NLRC5: variants seen among roughly 807,000 people sequenced by gnomAD.
The protein encoded by NLRC5 is protein NLRC5.
In NLRC5, 114 loss-of-function variants were observed where a neutral mutation model predicts 206.9. The ratio of observed to expected loss-of-function variants is 0.55; its 90% confidence interval spans 0.47 to 0.64. The LOEUF (loss-of-function observed/expected upper bound fraction) is 0.64. Ranked by LOEUF, NLRC5 falls within the 30% of genes least tolerant of loss-of-function variation. The probability of loss-of-function intolerance (pLI) is 0.00; values close to 1 mark genes in which losing one functional copy is unlikely to be tolerated. For missense variants in NLRC5, 2,008 were observed against 2,305.5 expected, an observed-to-expected ratio of 0.87 and a Z score of 2.64; for synonymous variants, 952 against 962.8, an observed-to-expected ratio of 0.99 and a Z score of 0.21.
chr16:57,037,357 T>G, intron 15 of NLRC5, 73 bp downstream of exon 15: 1 of 1,393,762 alleles, frequency 7.2e-7, no homozygotes, highest in Non-Finnish European at 1.0e-6. Flanking sequence ...TGGAATTCCT[T>G]CTGGGCCCAG....
chr16:57,051,707 A>ACC, intron 24 of NLRC5, 86 bp downstream of exon 24: 1 of 992,738 alleles, frequency 1.0e-6, no homozygotes, highest in Non-Finnish European at 1.6e-6. Context: ...CTGCCCTCTA[A>ACC]CCCCTCAACC....
At chr16:57,021,544 A>C (rs1274878034) in intron 3 of NLRC5, among the ~76,000 whole-genome samples, 1 of 152,004 alleles carries the variant, frequency 6.6e-6, no homozygotes, top group African/African-American at 2.4e-5. Context: ...CTAATTTTTC[A>C]TTCTTTTGTA....
chr16:57,075,572 A>G (rs1325955058), intron 39 of NLRC5, among the ~76,000 whole-genome samples: 1 of 152,186 alleles, frequency 6.6e-6, no homozygotes, highest in Non-Finnish European at 1.5e-5. Flanking sequence ...TCTGGGGGCC[A>G]CGGTCAGCAC....
chr16:57,053,772 G>A (rs539613641), intron 24 of NLRC5, among the ~76,000 whole-genome samples: 8 of 152,152 alleles, frequency 5.3e-5, no homozygotes, highest in African/African-American at 1.7e-4. Context: ...CAAGTGATCC[G>A]CCCGCCTCGG....
chr16:56,996,802 C>G (rs2057670727), intron 1 of NLRC5, among the ~76,000 whole-genome samples: 1 of 152,108 alleles, frequency 6.6e-6, no homozygotes, highest in South Asian at 2.1e-4. Context: ...AAAAGACGAC[C>G]ATTTGTTGAA....
intron 2 of NLRC5, 61 bp from the exon 3 acceptor site, chr16:57,020,640 A>T: frequency 1.2e-6 from 1 of 811,068 alleles, no homozygotes; most frequent in Non-Finnish European, 1.7e-6. Context: ...CCTGTCCCTC[A>T]GCTCATCTGC....
At chr16:57,006,048 A>T (rs1266378599) in intron 1 of NLRC5, among the ~76,000 whole-genome samples, 1 of 150,746 alleles carries the variant, frequency 6.6e-6, no homozygotes, top group African/African-American at 2.4e-5. Context: ...CCCAGGCTGG[A>T]GTGCAGGGAT....
chr16:57,043,843 A>G (rs1597328979), intron 20 of NLRC5: 1 of 566,992 alleles, frequency 1.8e-6, no homozygotes, highest in Non-Finnish European at 3.2e-6. Flanking sequence ...TAGAGAGTTC[A>G]TTGACTCTGC....
In NLRC5 at chr16:57,026,485, C is replaced by T. The variant is rs756348009; in HGVS notation, c.1542C>T (p.His514=). ...AGCAGACAGGCTATGCTTTCACCCA[C>T]CTCAGCCTGCAGGAGTTTCTTGCTG... is the stretch of plus-strand genomic sequence containing the variant. ...GHQQTGYAFT[H]LSLQEFLAAL... The change falls in exon 6 of 49, where the codon CAC becomes CAT. Residue 514 remains histidine (H), a synonymous_variant. Transcript: ENST00000688547. The T allele has an allele frequency of 5.0e-6, 8 of 1,614,076 alleles. No individual in the cohort carries two copies. The Admixed American group carries it at 5.0e-5, about 10-fold the overall frequency.
At chr16:57,005,122 G>A (rs548986503) in intron 1 of NLRC5, among the ~76,000 whole-genome samples, 1 of 152,242 alleles carries the variant, frequency 6.6e-6, no homozygotes, top group South Asian at 2.1e-4. Flanking sequence ...CAGAGGTCCT[G>A]GTGCCAAAAT....
chr16:57,048,941 A>G (rs2064404434), intron 23 of NLRC5, among the ~76,000 whole-genome samples: 1 of 152,164 alleles, frequency 6.6e-6, no homozygotes, highest in Admixed American at 6.5e-5. Context: ...TTTTAATACT[A>G]AATTGCCACA....
intron 10 of NLRC5, among the ~76,000 whole-genome samples, chr16:57,030,398 G>GAAAA (rs2061680809): frequency 7.0e-6 from 1 of 143,190 alleles, no homozygotes; most frequent in Admixed American, 7.0e-5. Context: ...ATGGATGGAT[G>GAAAA]GATGGATGGA....
rs1364875862 is a variant in NLRC5 at position 57,047,568 on chromosome 16, C to T, written c.3362C>T (p.Pro1121Leu). The change falls in exon 23 of 49, where the codon CCC becomes CTC. Residue 1121 changes from proline to leucine, a missense_variant. Pro to Leu is a moderately conservative substitution (Grantham distance 98). Transcript: ENST00000688547. The stretch of plus-strand genomic sequence containing the variant: ...AGCCTCAGTGAGTGTCCTCTGGAGC[C>T]CCCAAGCCTCACCCGCCTCTGTGCC... ...SLCLSECPLE[P>L]PSLTRLCATL... is the part of the protein sequence containing the mutation. 8 of 1,612,434 alleles carry T rather than the reference C, an allele frequency of 5.0e-6. No homozygotes were observed. The highest frequency in any genetic ancestry group is 1.3e-5 in the African/African-American group (1 of 74,844).
intron 3 of NLRC5, among the ~76,000 whole-genome samples, chr16:57,021,905 T>C (rs2060718685): frequency 5.9e-5 from 9 of 152,212 alleles, no homozygotes; most frequent in Admixed American, 5.9e-4. Flanking sequence ...GGGCGGCGCA[T>C]GCACATATGT....
At chr16:57,041,905 T>G in intron 18 of NLRC5, 77 bp from the exon 19 acceptor site, 1 of 966,172 alleles carries the variant, frequency 1.0e-6, no homozygotes, top group Non-Finnish European at 1.5e-6. Context: ...GTTGAGTAAC[T>G]GGAATGCAGG....
intron 33 of NLRC5, 27 bp from the exon 34 acceptor site, chr16:57,066,507 T>G: frequency 6.2e-7 from 1 of 1,611,674 alleles, no homozygotes; most frequent in Non-Finnish European, 8.5e-7. Flanking sequence ...CTGCCCGACC[T>G]CACGTTGGTT....
chr16:56,996,336 C>T (rs1346525111), intron 1 of NLRC5, among the ~76,000 whole-genome samples: 3 of 152,114 alleles, frequency 2.0e-5, no homozygotes, highest in Admixed American at 6.6e-5. Flanking sequence ...CACCACCACA[C>T]CTGGCTAATT....
intron 1 of NLRC5, among the ~76,000 whole-genome samples, chr16:57,015,944 A>AAAAAAAAAAAAAAAG (rs1567531360): frequency 1.7e-5 from 2 of 120,186 alleles, no homozygotes; most frequent in Non-Finnish European, 3.6e-5. Context: ...AAAAAAAAAA[A>AAAAAAAAAAAAAAAG]AAAAGAAAGA....
At chr16:57,077,240 G>A in intron 40 of NLRC5, 56 bp from the exon 41 acceptor site, 1 of 1,490,024 alleles carries the variant, frequency 6.7e-7, no homozygotes, top group South Asian at 1.1e-5. Context: ...TTCTGGGAGT[G>A]GGGTGTGGAC....
Sources: gnomAD v4.1 joint callset for allele counts (sites outside exome capture counted in the v4.1 genomes callset) on GRCh38, gnomAD v4.1.1 for gene constraint, MANE v1.5 for transcripts, NCBI Gene and HGNC (gene_info 2026-07-23, HGNC 2026-07-21) for gene names.